SDK1: variants seen among roughly 807,000 people sequenced by gnomAD.
SDK1 encodes sidekick cell adhesion molecule 1, also known as protein sidekick-1.
In SDK1, 157 loss-of-function variants were observed where a neutral mutation model predicts 245.5. The observed-to-expected ratio is 0.64, with a 90% CI of 0.56 to 0.73. SDK1 has a LOEUF of 0.73. Ranked by LOEUF, SDK1 falls within the 30% of genes least tolerant of loss-of-function variation. The probability of loss-of-function intolerance (pLI) is 0.00; values close to 1 mark genes in which losing one functional copy is unlikely to be tolerated. For synonymous variants in SDK1, 1,647 were observed against 1,278.5 expected, an observed-to-expected ratio of 1.29 and a Z score of -6.15; for missense variants, 3,583 against 3,002.3, an observed-to-expected ratio of 1.19 and a Z score of -4.52.
In SDK1 at chr7:4,139,423, G is replaced by A. The variant is rs545625121; in HGVS notation, c.4229-6299G>A. On this transcript the variant is annotated intron_variant, in intron 28 of 44. Coordinates refer to ENST00000404826, the MANE Select transcript of SDK1 (RefSeq NM_152744.4). Reference sequence around the variant, plus strand: ...TATGTGTGTGTGTATATGTGTGTGTGTGTATGTATATATGTGTGTGTATAT... The same window carrying A: ...TATGTGTGTGTGTATATGTGTGTGTATGTATGTATATATGTGTGTGTATAT... 4.1e-3 allele frequency among the ~76,000 whole-genome samples: 615 copies of A among 149,698 alleles called. 47 individuals are homozygous for A. The highest frequency in any genetic ancestry group is 6.6e-3 in the Non-Finnish European group (443 of 67,540).
chr7:4,029,014 G>A (rs1199359043), intron 17 of SDK1, among the ~76,000 whole-genome samples: 1 of 151,580 alleles, frequency 6.6e-6, no homozygotes, highest in Non-Finnish European at 1.5e-5. Context: ...CACGTCGGGT[G>A]TGCTCAAAGT....
chr7:3,618,232 A>G (rs1781829158), intron 1 of SDK1, among the ~76,000 whole-genome samples: 1 of 152,166 alleles, frequency 6.6e-6, no homozygotes, highest in Admixed American at 6.5e-5. Flanking sequence ...AAGTAAATGT[A>G]CCTTTGTAAC....
intron 4 of SDK1, among the ~76,000 whole-genome samples, chr7:3,800,121 G>C (rs1381907419): frequency 6.6e-6 from 1 of 152,082 alleles, no homozygotes; most frequent in African/African-American, 2.4e-5. Context: ...CTGTTGGGCA[G>C]GATTTGCATT....
intron 44 of SDK1, among the ~76,000 whole-genome samples, chr7:4,249,097 G>A (rs114651027): frequency 2.4e-3 from 363 of 152,186 alleles, no homozygotes; most frequent in African/African-American, 8.4e-3. Context: ...GGAGGTGAGT[G>A]TGGGGAGGGA....
At chr7:3,668,949 G>A (rs1196013484) in intron 4 of SDK1, among the ~76,000 whole-genome samples, 1 of 152,174 alleles carries the variant, frequency 6.6e-6, no homozygotes, top group Non-Finnish European at 1.5e-5. Context: ...GACGTCATGG[G>A]AGGCTCTGGC....
At chr7:3,884,089 T>TG (rs1562512085) in intron 5 of SDK1, among the ~76,000 whole-genome samples, 2 of 102,194 alleles carry the variant, frequency 2.0e-5, no homozygotes, top group South Asian at 7.1e-4. Flanking sequence ...TTTTGTTTTT[T>TG]TTTTTTTTTG....
At chr7:4,042,874 A>G (rs1380067965) in intron 17 of SDK1, among the ~76,000 whole-genome samples, 1 of 152,218 alleles carries the variant, frequency 6.6e-6, no homozygotes, top group Non-Finnish European at 1.5e-5. Flanking sequence ...GGCATTTTTA[A>G]TTCCATTGTC....
chr7:3,334,731 C>T (rs576794198), intron 1 of SDK1, among the ~76,000 whole-genome samples: 1 of 152,172 alleles, frequency 6.6e-6, no homozygotes, highest in African/African-American at 2.4e-5. Context: ...TTATTCTGTT[C>T]TTGACTTCTC....
chr7:3,832,067 A>G (rs1424530625), intron 5 of SDK1, among the ~76,000 whole-genome samples: 2 of 152,114 alleles, frequency 1.3e-5, no homozygotes, highest in African/African-American at 4.8e-5. Flanking sequence ...TAATAATATA[A>G]TAATCATAAT....
At chr7:3,646,168 A>G (rs1268863006) in intron 4 of SDK1, among the ~76,000 whole-genome samples, 1 of 152,010 alleles carries the variant, frequency 6.6e-6, no homozygotes, top group South Asian at 2.1e-4. Context: ...TTCTGCACCT[A>G]TTTTTAACCT....
At chr7:3,336,334 A>T (rs1780199051) in intron 1 of SDK1, among the ~76,000 whole-genome samples, 1 of 152,140 alleles carries the variant, frequency 6.6e-6, no homozygotes, top group South Asian at 2.1e-4. Flanking sequence ...GGTGGTGCTG[A>T]CAGCGCCTAG....
At chr7:4,257,333 C>T (rs1198271520) in intron 44 of SDK1, among the ~76,000 whole-genome samples, 1 of 152,216 alleles carries the variant, frequency 6.6e-6, no homozygotes, top group Non-Finnish European at 1.5e-5. Context: ...TTCTGTCCTT[C>T]TACAGTTTCC....
chr7:4,111,770 G>T (rs1262946181), intron 23 of SDK1, among the ~76,000 whole-genome samples: 1 of 152,198 alleles, frequency 6.6e-6, no homozygotes, highest in African/African-American at 2.4e-5. Context: ...TACATTTGGG[G>T]AAACCTCTAT....
chr7:4,256,946 T>C (rs760428901), intron 44 of SDK1, among the ~76,000 whole-genome samples: 9 of 152,162 alleles, frequency 5.9e-5, no homozygotes, highest in Non-Finnish European at 8.8e-5. Context: ...TCAGGAGCCT[T>C]CCTGATCGGA....
At chr7:3,613,319 A>C (rs1583227365) in intron 1 of SDK1, among the ~76,000 whole-genome samples, 1 of 152,180 alleles carries the variant, frequency 6.6e-6, no homozygotes, top group Non-Finnish European at 1.5e-5. Flanking sequence ...TGAGCAGAAG[A>C]TTATTCTCAC....
chr7:4,231,940 A>G (rs1179030628), intron 40 of SDK1, among the ~76,000 whole-genome samples: 1 of 152,126 alleles, frequency 6.6e-6, no homozygotes, highest in Non-Finnish European at 1.5e-5. Flanking sequence ...TTCCCTCACC[A>G]GATTCCCTGC....
chr7:3,500,516 A>C (rs983544358), intron 1 of SDK1, among the ~76,000 whole-genome samples: 5 of 152,172 alleles, frequency 3.3e-5, no homozygotes, highest in Non-Finnish European at 5.9e-5. Context: ...GTTAAGAGTC[A>C]TTCTGCTTTC....
chr7:4,164,989 C>G (rs1048436050), intron 32 of SDK1, among the ~76,000 whole-genome samples: 1 of 152,218 alleles, frequency 6.6e-6, no homozygotes, highest in African/African-American at 2.4e-5. Context: ...GAAAAAGAAA[C>G]TAGGTTTAAA....
chr7:3,829,090 C>T (rs147057597), intron 5 of SDK1, among the ~76,000 whole-genome samples: 1 of 152,162 alleles, frequency 6.6e-6, no homozygotes, highest in Non-Finnish European at 1.5e-5. Context: ...ATTTAGATTC[C>T]TTTGAATACA....
Sources: allele counts gnomAD v4.1 joint callset (sites outside exome capture counted in the v4.1 genomes callset), GRCh38; gene constraint gnomAD v4.1.1; transcripts MANE v1.5; gene names NCBI Gene and HGNC (gene_info 2026-07-23, HGNC 2026-07-21).